The following KCNAB1 variants were observed in gnomAD, a reference collection of about 807,000 sequenced individuals.
KCNAB1 encodes potassium voltage-gated channel subfamily A regulatory beta subunit 1, also known as voltage-gated potassium channel subunit beta-1.
Under a neutral mutation model 64.6 loss-of-function variants are expected in KCNAB1, and 35 were observed. The observed-to-expected ratio is 0.54, with a 90% CI of 0.41 to 0.72. KCNAB1 has a LOEUF of 0.72. Among genes scored for constraint, KCNAB1 ranks in the 30% least tolerant of loss-of-function variants. KCNAB1 has a pLI of 0.00. For synonymous variants in KCNAB1, 177 were observed against 183.8 expected (o/e 0.96, Z 0.30); for missense variants, 401 against 512.9 (o/e 0.78, Z 2.11).
intron 8 of KCNAB1, among the ~76,000 whole-genome samples, chr3:156,477,387 G>A (rs995367365): frequency 3.3e-5 from 5 of 152,040 alleles, no homozygotes; most frequent in African/African-American, 1.2e-4. Context: ...ATGGAGATTC[G>A]CCACTTGTTG....
At chr3:156,250,314 G>A (rs1161191206) in intron 1 of KCNAB1, among the ~76,000 whole-genome samples, 1 of 152,180 alleles carries the variant, frequency 6.6e-6, no homozygotes, top group Non-Finnish European at 1.5e-5. Flanking sequence ...GAGGAGTCAT[G>A]ATCCTAGTCA....
At chr3:156,511,126 C>T (rs367944209) in intron 8 of KCNAB1, among the ~76,000 whole-genome samples, 20 of 151,716 alleles carry the variant, frequency 1.3e-4, no homozygotes, top group East Asian at 7.7e-4. Context: ...TTTTTTGAGA[C>T]GGAGTCTTGC....
intron 1 of KCNAB1, among the ~76,000 whole-genome samples, chr3:156,179,691 G>A (rs1712672797): frequency 6.6e-6 from 1 of 152,150 alleles, no homozygotes; most frequent in South Asian, 2.1e-4. Flanking sequence ...GCAATAGAAT[G>A]GACCGAAAGT....
chr3:156,261,708 G>A lies in KCNAB1; in HGVS notation c.275+140822G>A, dbSNP rs1331641178. ...CTTTGTTCTTCTTCAAATTGTTTTG[G>A]CTATTTAAGTTCCTTGCATTTCCAT... On this transcript the variant is annotated intron_variant, in intron 1 of 13. Coordinates refer to ENST00000490337, the MANE Select transcript of KCNAB1 (RefSeq NM_172160.3). 2.0e-5 allele frequency among the ~76,000 whole-genome samples: 3 copies of A among 151,710 alleles called. No homozygotes were observed. In the South Asian group the frequency reaches 6.2e-4, roughly 32 times the overall value.
At chr3:156,157,282 C>G (rs1279157452) in intron 1 of KCNAB1, among the ~76,000 whole-genome samples, 1 of 152,192 alleles carries the variant, frequency 6.6e-6, no homozygotes, top group Non-Finnish European at 1.5e-5. Context: ...TAACAGAACT[C>G]TGACTACCAT....
intron 1 of KCNAB1, among the ~76,000 whole-genome samples, chr3:156,346,692 G>A (rs756337339): frequency 7.9e-5 from 12 of 152,124 alleles, no homozygotes; most frequent in South Asian, 6.2e-4. Flanking sequence ...TGTCTTATTC[G>A]TAATAAGTAA....
intron 1 of KCNAB1, among the ~76,000 whole-genome samples, chr3:156,219,021 C>T (rs1270218524): frequency 6.6e-6 from 1 of 151,580 alleles, no homozygotes; most frequent in Non-Finnish European, 1.5e-5. Context: ...ATCAGAAAAA[C>T]AGTTCTGGTA....
At chr3:156,454,668 A>G (rs577975436) in intron 3 of KCNAB1, among the ~76,000 whole-genome samples, 1 of 152,318 alleles carries the variant, frequency 6.6e-6, no homozygotes, top group African/African-American at 2.4e-5. Context: ...AGCACAGGCT[A>G]TGGACTTGAA....
At chr3:156,334,741 A>G (rs957890114) in intron 1 of KCNAB1, among the ~76,000 whole-genome samples, 25 of 152,164 alleles carry the variant, frequency 1.6e-4, no homozygotes, top group African/African-American at 5.8e-4. Context: ...TCACAGCCCC[A>G]GCTTCCTGTT....
chr3:156,242,790 T>C (rs569065955), intron 1 of KCNAB1, among the ~76,000 whole-genome samples: 1 of 112,600 alleles, frequency 8.9e-6, no homozygotes, highest in South Asian at 2.6e-4. Flanking sequence ...TTTTTTCAAG[T>C]TTTTTTTTTT....
intron 1 of KCNAB1, among the ~76,000 whole-genome samples, chr3:156,302,725 G>A (rs577327357): frequency 1.3e-5 from 2 of 152,216 alleles, no homozygotes; most frequent in East Asian, 1.9e-4. Flanking sequence ...TAACACCTAC[G>A]AGGAGTATCT....
chr3:156,532,744 G>T (rs1443167996), intron 13 of KCNAB1, among the ~76,000 whole-genome samples: 1 of 152,164 alleles, frequency 6.6e-6, no homozygotes, highest in African/African-American at 2.4e-5. Flanking sequence ...ATTCTGTGAG[G>T]TTCCCTGTAG....
At chr3:156,347,385 G>C (rs555678060) in intron 1 of KCNAB1, among the ~76,000 whole-genome samples, 1 of 152,202 alleles carries the variant, frequency 6.6e-6, no homozygotes, top group African/African-American at 2.4e-5. Flanking sequence ...GCTGTGTGAG[G>C]AAAAAGTTAC....
intron 1 of KCNAB1, chr3:156,291,781 G>C (rs1172255719): frequency 2.6e-6 from 4 of 1,513,440 alleles, no homozygotes; most frequent in Non-Finnish European, 3.5e-6. Flanking sequence ...CTCCTCTGAC[G>C]GCATCCCCAG....
intron 7 of KCNAB1, among the ~76,000 whole-genome samples, chr3:156,472,901 G>A (rs1477624531): frequency 5.9e-5 from 9 of 152,146 alleles, no homozygotes; most frequent in Admixed American, 2.6e-4. Flanking sequence ...AATCACACCT[G>A]TCTGTGACAT....
chr3:156,221,224 T>C, intron 1 of KCNAB1, among the ~76,000 whole-genome samples: 1 of 152,206 alleles, frequency 6.6e-6, no homozygotes, highest in East Asian at 1.9e-4. Flanking sequence ...CCATATGAAC[T>C]TTAAAGTAGT....
At position 156,316,459 on chromosome 3, in the gene KCNAB1, C is replaced by T. The variant is rs1346476931; in HGVS notation, c.276-105157C>T. Among the ~76,000 whole-genome samples, 6 of 152,246 alleles carry T rather than the reference C, an allele frequency of 3.9e-5. No individual in the cohort carries two copies. In the East Asian group the frequency reaches 9.6e-4, roughly 24 times the overall value. On this transcript the variant is annotated intron_variant, in intron 1 of 13. Coordinates refer to ENST00000490337, the MANE Select transcript of KCNAB1 (RefSeq NM_172160.3). ...GTGCAATCTTGGATGTGTCCCATAA[C>T]AGGTCAGTCTCAGTAGTTTTCAATC...
chr3:156,120,601 A>C lies in KCNAB1; in HGVS notation c.-11A>C. The C allele has an allele frequency of 6.2e-7, 1 of 1,613,556 alleles. No homozygotes were observed. The highest frequency in any genetic ancestry group is 1.1e-5 in the South Asian group (1 of 91,066). ...ACAGTGACTTCCAGTCTTCTCTGAA[A>C]GATCTCCACGATGCTGGCAGCCCGG... On this transcript the variant is annotated 5_prime_UTR_variant, in exon 1 of 14. Transcript: ENST00000490337.
chr3:156,202,621 T>C (rs1340800246), intron 1 of KCNAB1, among the ~76,000 whole-genome samples: 1 of 152,212 alleles, frequency 6.6e-6, no homozygotes, highest in Non-Finnish European at 1.5e-5. Flanking sequence ...TGTTCTTGCA[T>C]GTTGTCTACT....
Sources: allele counts gnomAD v4.1 joint callset (sites outside exome capture counted in the v4.1 genomes callset), GRCh38; gene constraint gnomAD v4.1.1; transcripts MANE v1.5; gene names NCBI Gene and HGNC (gene_info 2026-07-23, HGNC 2026-07-21).